RPIA: variants seen among roughly 807,000 people sequenced by gnomAD.
The protein encoded by RPIA is ribose-5-phosphate isomerase.
Under a neutral mutation model 37.8 loss-of-function variants are expected in RPIA, and 29 were observed. The ratio of observed to expected loss-of-function variants is 0.77; its 90% CI spans 0.57 to 1.05. The LOEUF is 1.05. Ranked by LOEUF, RPIA falls within the 50% of genes least tolerant of loss-of-function variation. RPIA has a pLI of 0.00. For missense variants in RPIA, 385 were observed against 413.6 expected (o/e 0.93, Z 0.60); for synonymous variants, 167 against 157.0 (o/e 1.06, Z -0.48).
chr2:88,702,379 C>T (rs978633362), intron 3 of RPIA, among the ~76,000 whole-genome samples: 1 of 148,730 alleles, frequency 6.7e-6, no homozygotes, highest in South Asian at 2.1e-4. Flanking sequence ...AAAGACATAC[C>T]TGAGACTGGG....
intron 3 of RPIA, among the ~76,000 whole-genome samples, chr2:88,718,475 G>A (rs1430605587): frequency 6.6e-6 from 1 of 152,168 alleles, no homozygotes; most frequent in Admixed American, 6.6e-5. Context: ...TATGAGTTGG[G>A]TGAATTCCTT....
chr2:88,708,123 G>C (rs2104088259), intron 3 of RPIA, among the ~76,000 whole-genome samples: 1 of 152,320 alleles, frequency 6.6e-6, no homozygotes, highest in East Asian at 1.9e-4. Flanking sequence ...AAAAACAAAA[G>C]ATATATGCAG....
intron 8 of RPIA, among the ~76,000 whole-genome samples, 183 bp downstream of exon 8, chr2:88,738,259 C>A (rs1478875418): frequency 6.6e-6 from 1 of 152,206 alleles, no homozygotes; most frequent in Non-Finnish European, 1.5e-5. Flanking sequence ...CTTCCCCCAA[C>A]AATTGTTGCT....
intron 5 of RPIA, among the ~76,000 whole-genome samples, chr2:88,734,929 G>A (rs928770068): frequency 6.6e-6 from 1 of 152,170 alleles, no homozygotes; most frequent in Non-Finnish European, 1.5e-5. Context: ...TAGATTGTTA[G>A]GTCTGTGGGC....
At chr2:88,701,558 CT>C (rs1289794528) in intron 3 of RPIA, among the ~76,000 whole-genome samples, 7 of 1,172 alleles carry the variant, frequency 6.0e-3, no homozygotes, top group South Asian at 0.028. Context: ...CCTCCCACCC[CT>C]GACCTCCACT....
chr2:88,748,971 T>C (rs931408320), intron 8 of RPIA, among the ~76,000 whole-genome samples: 3 of 152,292 alleles, frequency 2.0e-5, no homozygotes, highest in South Asian at 2.1e-4. Flanking sequence ...TGGAGCTCCA[T>C]TGAACTCCTG....
chr2:88,744,375 A>G (rs1346154505), intron 8 of RPIA, among the ~76,000 whole-genome samples: 1 of 152,138 alleles, frequency 6.6e-6, no homozygotes, highest in Non-Finnish European at 1.5e-5. Context: ...AGAGTACTTG[A>G]TATAATTTAG....
chr2:88,717,284 G>A (rs564423263), intron 3 of RPIA, among the ~76,000 whole-genome samples: 37 of 152,336 alleles, frequency 2.4e-4, no homozygotes, highest in African/African-American at 8.2e-4. Flanking sequence ...TTGAGGACAT[G>A]TGCCTGTGAC....
At chr2:88,739,685 A>G (rs1304194712) in intron 8 of RPIA, among the ~76,000 whole-genome samples, 1 of 152,094 alleles carries the variant, frequency 6.6e-6, no homozygotes. Context: ...TGGTGTGATC[A>G]TGGTTTACTG....
At chr2:88,695,142 A>G (rs556776783) in intron 1 of RPIA, among the ~76,000 whole-genome samples, 1 of 152,308 alleles carries the variant, frequency 6.6e-6, no homozygotes, top group East Asian at 1.9e-4. Flanking sequence ...GCATCTCTTC[A>G]TCCATATCCT....
chr2:88,733,420 A>G (rs1673276684), intron 4 of RPIA, among the ~76,000 whole-genome samples: 1 of 152,164 alleles, frequency 6.6e-6, no homozygotes, highest in African/African-American at 2.4e-5. Context: ...AACTATGGGA[A>G]GGACTTGGGG....
chr2:88,709,588 A>C lies in RPIA; in HGVS notation c.402+9524A>C, dbSNP rs531848708. ...CTGATAGAAATGTTGTAATACAGGA[A>C]ATTGAAATAAATTCCAAAGGCAAAA... On this transcript the variant is annotated intron_variant, in intron 3 of 8. Transcript: ENST00000283646. Among the ~76,000 whole-genome samples the C allele has an allele frequency of 3.3e-5, 5 of 152,354 alleles. No homozygotes were observed. In the South Asian group the frequency reaches 8.3e-4, roughly 25 times the overall value.
chr2:88,728,273 A>G (rs1017518711), intron 3 of RPIA, among the ~76,000 whole-genome samples: 7 of 152,102 alleles, frequency 4.6e-5, no homozygotes, highest in Non-Finnish European at 7.3e-5. Flanking sequence ...CAACATTACA[A>G]TTTTCAAGAT....
At chr2:88,738,927 A>G (rs1673350036) in intron 8 of RPIA, among the ~76,000 whole-genome samples, 1 of 152,206 alleles carries the variant, frequency 6.6e-6, no homozygotes, top group Non-Finnish European at 1.5e-5. Context: ...TACTTGCTGA[A>G]GCACCAGGCG....
At chr2:88,709,520 G>T in intron 3 of RPIA, among the ~76,000 whole-genome samples, 1 of 152,126 alleles carries the variant, frequency 6.6e-6, no homozygotes, top group Non-Finnish European at 1.5e-5. Context: ...CAGTAATATT[G>T]TTTTTCTTAG....
intron 3 of RPIA, among the ~76,000 whole-genome samples, chr2:88,704,007 T>C (rs988009552): frequency 6.6e-6 from 1 of 152,216 alleles, no homozygotes; most frequent in African/African-American, 2.4e-5. Context: ...CCAGTCTCTT[T>C]GCTAAAACAA....
intron 3 of RPIA, among the ~76,000 whole-genome samples, chr2:88,723,879 T>TG (rs1267703071): frequency 6.6e-6 from 1 of 151,834 alleles, no homozygotes; most frequent in Non-Finnish European, 1.5e-5. Context: ...TCTGGAAAGG[T>TG]GGGACAACTC....
At chr2:88,732,927 G>A (rs986047342) in intron 4 of RPIA, among the ~76,000 whole-genome samples, 1 of 152,086 alleles carries the variant, frequency 6.6e-6, no homozygotes, top group African/African-American at 2.4e-5. Flanking sequence ...GTATTAAACT[G>A]TTTTATTTCC....
rs116293897 is a variant in RPIA, at chr2:88,697,787, A to G, written c.286-697A>G. Among the ~76,000 whole-genome samples the G allele has an allele frequency of 7.9e-3, 1,207 of 152,328 alleles. 16 individuals are homozygous for G. Among genetic ancestry groups the G allele is most frequent in the African/African-American group, 0.028 (1,154 of 41,564 alleles). ...TTTCTCTGAGGCAGGCTCATGCAAA[A>G]TGAGCACCCCTTGGTGTCACCTAGG... On this transcript the variant is annotated intron_variant, in intron 1 of 8. Coordinates refer to ENST00000283646, the MANE Select transcript of RPIA (RefSeq NM_144563.3).
Sources: gnomAD v4.1 joint callset for allele counts (sites outside exome capture counted in the v4.1 genomes callset) on GRCh38, gnomAD v4.1.1 for gene constraint, MANE v1.5 for transcripts, NCBI Gene and HGNC (gene_info 2026-07-23, HGNC 2026-07-21) for gene names.